Variants in CTNNA2 observed in about 807,000 individuals in gnomAD.
CTNNA2 encodes the protein catenin alpha-2.
In CTNNA2, 42 loss-of-function variants were observed where a neutral mutation model predicts 101.0. The observed-to-expected ratio is 0.42, with a 90% CI of 0.32 to 0.54. CTNNA2 has a LOEUF of 0.54. CTNNA2 is among the 20% of genes least tolerant of loss of function. The probability of loss-of-function intolerance (pLI) is 0.14; values close to 1 mark genes in which losing one functional copy is unlikely to be tolerated. For missense variants in CTNNA2, 871 were observed against 1,223.1 expected (o/e 0.71, Z 4.29); for synonymous variants, 450 against 456.4 (o/e 0.99, Z 0.18).
chr2:79,693,136 G>T (rs1684427387), intron 2 of CTNNA2, among the ~76,000 whole-genome samples: 1 of 151,970 alleles, frequency 6.6e-6, no homozygotes, highest in Non-Finnish European at 1.5e-5. Flanking sequence ...GACATTCCAT[G>T]CCATCCCTGA....
chr2:80,194,283 T>G (rs1706698613), intron 7 of CTNNA2, among the ~76,000 whole-genome samples: 1 of 152,164 alleles, frequency 6.6e-6, no homozygotes, highest in African/African-American at 2.4e-5. Context: ...TGCTGATGCT[T>G]CAGATTAGGA....
At chr2:80,260,910 C>T (rs922659453) in intron 7 of CTNNA2, among the ~76,000 whole-genome samples, 3 of 152,010 alleles carry the variant, frequency 2.0e-5, no homozygotes, top group Non-Finnish European at 4.4e-5. Flanking sequence ...ATTTAGGTAA[C>T]ATTTGTTACC....
At chr2:79,858,967 T>G (rs892184992) in intron 4 of CTNNA2, among the ~76,000 whole-genome samples, 1 of 151,696 alleles carries the variant, frequency 6.6e-6, no homozygotes, top group Admixed American at 6.6e-5. Context: ...GATTGGTATC[T>G]AGTTGCAACA....
intron 9 of CTNNA2, among the ~76,000 whole-genome samples, chr2:80,425,261 A>C (rs994593): frequency 0.12 from 18,746 of 152,206 alleles, 1,316 homozygotes; most frequent in African/African-American, 0.17. Context: ...CTACTCCGTC[A>C]TGTCAAGAAG....
At chr2:79,541,275 A>C (rs1245136462) in intron 1 of CTNNA2, among the ~76,000 whole-genome samples, 1 of 151,290 alleles carries the variant, frequency 6.6e-6, no homozygotes, top group Non-Finnish European at 1.5e-5. Flanking sequence ...AAATGTTAGA[A>C]TAGAATGGAG....
intron 3 of CTNNA2, among the ~76,000 whole-genome samples, chr2:79,744,974 T>C (rs1354695239): frequency 6.6e-6 from 1 of 152,214 alleles, no homozygotes; most frequent in Non-Finnish European, 1.5e-5. Context: ...ATTATTCTTA[T>C]TTTTCTGCAA....
chr2:80,581,964 C>T (rs1695580580), intron 14 of CTNNA2, 145 bp downstream of exon 14: 1 of 587,394 alleles, frequency 1.7e-6, no homozygotes, highest in Non-Finnish European at 3.1e-6. Context: ...TTGTTTATAG[C>T]AAATCACATT....
intron 7 of CTNNA2, among the ~76,000 whole-genome samples, chr2:80,288,055 G>A (rs960240207): frequency 6.6e-6 from 1 of 152,018 alleles, no homozygotes; most frequent in African/African-American, 2.4e-5. Context: ...CCCTATTTTT[G>A]TTGACACCTC....
intron 2 of CTNNA2, among the ~76,000 whole-genome samples, chr2:79,214,509 G>GGC (rs1279957690): frequency 6.6e-6 from 1 of 152,148 alleles, no homozygotes; most frequent in Non-Finnish European, 1.5e-5. Context: ...TGCTATAACA[G>GGC]GCGAGTGATA....
chr2:79,188,189 GTCATATA>G (rs1417665556), intron 1 of CTNNA2, among the ~76,000 whole-genome samples: 7 of 152,098 alleles, frequency 4.6e-5, no homozygotes, highest in African/African-American at 1.7e-4. Context: ...AAGTACAGCA[GTCATATA>G]TCTTATGATG....
intron 2 of CTNNA2, among the ~76,000 whole-genome samples, chr2:79,652,618 A>C (rs1191167207): frequency 6.6e-6 from 1 of 151,916 alleles, no homozygotes; most frequent in African/African-American, 2.4e-5. Context: ...CCACCCAAAT[A>C]CTCCAGAAAA....
chr2:80,070,908 CTT>C (rs1217982091), intron 7 of CTNNA2, among the ~76,000 whole-genome samples: 1 of 152,122 alleles, frequency 6.6e-6, no homozygotes, highest in African/African-American at 2.4e-5. Flanking sequence ...GCTGTGGTCT[CTT>C]TGTGTCAACT....
intron 7 of CTNNA2, among the ~76,000 whole-genome samples, chr2:79,994,852 G>A (rs114023118): frequency 0.018 from 2,771 of 152,036 alleles, 71 homozygotes; most frequent in African/African-American, 0.062. Flanking sequence ...CCTGACTTCC[G>A]CCCTGATGTT....
intron 1 of CTNNA2, among the ~76,000 whole-genome samples, chr2:79,612,082 A>G (rs553432354): frequency 2.4e-4 from 36 of 152,252 alleles, no homozygotes; most frequent in Admixed American, 6.5e-4. Flanking sequence ...CACGTTTTCC[A>G]CTATGCCAAT....
Position 80,069,026 on chromosome 2 carries a change from A to G in CTNNA2, c.1056+159229A>G, listed in dbSNP as rs539008670. Among the ~76,000 whole-genome samples the G allele has an allele frequency of 7.2e-5, 11 of 152,350 alleles. No homozygotes were observed. In the South Asian group the frequency reaches 2.3e-3, roughly 32 times the overall value. ...GAGATTTATTATGACTAACTATTATATAGGAGGCCAAAATGTCCCCTGATA... is the reference window on the plus strand; with the variant it reads ...GAGATTTATTATGACTAACTATTATGTAGGAGGCCAAAATGTCCCCTGATA... On this transcript the variant is annotated intron_variant, in intron 7 of 18. Transcript: ENST00000402739.
intron 2 of CTNNA2, among the ~76,000 whole-genome samples, chr2:79,700,002 G>A (rs1171927378): frequency 1.3e-5 from 2 of 150,654 alleles, no homozygotes; most frequent in East Asian, 3.9e-4. Flanking sequence ...GACAGGTGAG[G>A]AAGGGCAAGA....
chr2:79,735,108 T>G (rs1670775935), intron 2 of CTNNA2, among the ~76,000 whole-genome samples: 1 of 152,134 alleles, frequency 6.6e-6, no homozygotes, highest in Non-Finnish European at 1.5e-5. Flanking sequence ...TGAACATCCT[T>G]AAGCAAACTA....
Position 79,780,204 on chromosome 2 carries a change from A to G in CTNNA2, c.298+35622A>G, listed in dbSNP as rs117334765. On this transcript the variant is annotated intron_variant, in intron 3 of 18. Coordinates refer to ENST00000402739, the MANE Select transcript of CTNNA2 (RefSeq NM_001282597.3). ...CTGAACCAATGTACATCTTACGTGT[A>G]TTAATTGATGCTTTATGTATCCCTA... Among the ~76,000 whole-genome samples the G allele has an allele frequency of 1.1e-4, 16 of 152,310 alleles. No homozygotes were observed. The East Asian group carries it at 2.5e-3, about 24-fold the overall frequency.
At chr2:80,127,997 G>A (rs1235792542) in intron 7 of CTNNA2, among the ~76,000 whole-genome samples, 1 of 151,704 alleles carries the variant, frequency 6.6e-6, no homozygotes, top group Non-Finnish European at 1.5e-5. Context: ...TTTTGGACAG[G>A]CGATTGTCAT....
Sources: allele counts gnomAD v4.1 joint callset (sites outside exome capture counted in the v4.1 genomes callset), GRCh38; gene constraint gnomAD v4.1.1; transcripts MANE v1.5; gene names NCBI Gene and HGNC (gene_info 2026-07-23, HGNC 2026-07-21).